Variants in TGM1 observed in about 807,000 individuals in gnomAD.
The protein encoded by TGM1 is protein-glutamine gamma-glutamyltransferase K.
A neutral mutation model predicts 88.7 loss-of-function variants in TGM1; 63 were observed. That is an observed-to-expected ratio of 0.71 (90% CI 0.58 to 0.88). The LOEUF (loss-of-function observed/expected upper bound fraction) is 0.88, where lower values mean the gene tolerates loss of function less well. Ranked by LOEUF, TGM1 falls within the 40% of genes least tolerant of loss-of-function variation. TGM1 has a pLI of 0.00. For missense variants in TGM1, 996 were observed against 1,118.0 expected (o/e 0.89, Z 1.56); for synonymous variants, 415 against 431.1 (o/e 0.96, Z 0.46).
In TGM1 at chr14:24,255,122, C is replaced by T; in HGVS notation, c.1777G>A (p.Asp593Asn). 1 of 1,614,150 alleles carries T rather than the reference C, an allele frequency of 6.2e-7. No homozygotes were observed. The highest frequency in any genetic ancestry group is 1.3e-5 in the African/African-American group (1 of 75,048). Residue 593 changes from aspartate (D) to asparagine (N), a missense_variant, in exon 12 of 15, where the codon GAT (aspartate) becomes AAT (asparagine). Coordinates refer to ENST00000206765, the MANE Select transcript of TGM1 (RefSeq NM_000359.3). The surrounding 1 kb of genome is among the most constrained non-coding windows in gnomAD (Gnocchi z 4.0). The part of the protein sequence containing the change: ...VEAQDAVMGQ[D>N]LMVSVMLINH... ...ATCAGCATCACAGAGACCATCAGATCCTGCCCCATCACCGCGTCCTGTGCC... is the reference window on the plus strand; with the variant it reads ...ATCAGCATCACAGAGACCATCAGATTCTGCCCCATCACCGCGTCCTGTGCC...
chr14:24,262,102 C>A lies in TGM1; in HGVS notation c.251G>T (p.Gly84Val), dbSNP rs748234923. The A allele has an allele frequency of 6.2e-7, 1 of 1,613,570 alleles. No individual in the cohort carries two copies. The highest frequency in any genetic ancestry group is 8.5e-7 in the Non-Finnish European group (1 of 1,180,040). ...SSGTRRPGSR[G>V]SDSRRPVSRG... ...GGATACAGGCCGGCGGGAGTCTGAG[C>A]CCCGGGAGCCAGGTCTTCGAGTGCC... The change falls in exon 2 of 15, where the codon GGC (glycine) becomes GTC (valine). Residue 84 changes from glycine (G) to valine (V), a missense_variant. Physicochemically the swap from Gly to Val is moderately radical, Grantham distance 109. Transcript: ENST00000206765.
rs1555306116 is a variant in TGM1 at position 24,258,670 on chromosome 14, A to G, written c.1163T>C (p.Leu388Pro). Residue 388 changes from leucine (L) to proline (P), a missense_variant, in exon 8 of 15, where the codon CTG (leucine) becomes CCG (proline). Physicochemically the swap from Leu to Pro is moderately conservative, Grantham distance 98 (BLOSUM62 -3). Transcript: ENST00000206765. ...ACGGGTGGCCAGACCCAGGCAGCGC[A>G]GCACTGTGGAGGAGCGAAGGTTGGG... is the stretch of plus-strand genomic sequence containing the variant. ...WVFAGVTTTV[L>P]RCLGLATRTV... The G allele has an allele frequency of 6.2e-7, 1 of 1,614,120 alleles. No homozygotes were observed. The highest frequency in any genetic ancestry group is 8.5e-7 in the Non-Finnish European group (1 of 1,179,942).
intron 9 of TGM1, 88 bp downstream of exon 9, chr14:24,258,197 G>A: frequency 8.6e-7 from 1 of 1,169,280 alleles, no homozygotes; most frequent in Non-Finnish European, 1.3e-6. Flanking sequence ...TGGCTCTCCG[G>A]CCCGGCCCAG....
In TGM1 at chr14:24,249,450, G is replaced by C; in HGVS notation, c.2317C>G (p.Pro773Ala). The C allele has an allele frequency of 6.2e-7, 1 of 1,614,082 alleles. No homozygotes were observed. The highest frequency in any genetic ancestry group is 1.1e-5 in the South Asian group (1 of 91,080). Residue 773 changes from proline (P) to alanine (A), a missense_variant, in exon 15 of 15, where the codon CCA (proline) becomes GCA (alanine). Transcript: ENST00000206765. ...PRQLIASLDS[P>A]QLSQVHGVIQ... ...ACACCGTGCACCTGGGAGAGCTGTG[G>C]GCTGTCCAAGCTGGCAATGAGCTGG...
In TGM1 at chr14:24,255,841, C is replaced by G; in HGVS notation, c.1491+148G>C. ...ATCCCGAGTATAGGAAGCAAGGCAG[C>G]CTTGATTATCCCCTTTTACAGGTGA... On this transcript the variant is annotated intron_variant, in intron 10 of 14. Transcript: ENST00000206765. The surrounding 1 kb of genome is among the most constrained non-coding windows in gnomAD (Gnocchi z 4.0). The G allele has an allele frequency of 1.3e-6, 1 of 771,510 alleles. No individual in the cohort carries two copies. The highest frequency in any genetic ancestry group is 2.3e-6 in the Non-Finnish European group (1 of 443,318). 47.8% of individuals were successfully genotyped at this position (771,510 alleles called of 1,614,324 possible).
intron 9 of TGM1, among the ~76,000 whole-genome samples, chr14:24,257,502 G>A (rs982530243): frequency 1.3e-5 from 2 of 152,218 alleles, no homozygotes; most frequent in Non-Finnish European, 2.9e-5. Context: ...TCTGAGCCCT[G>A]ATTTTTTTCT....
chr14:24,254,936 C>A, intron 12 of TGM1, 36 bp downstream of exon 12: 1 of 1,613,274 alleles, frequency 6.2e-7, no homozygotes, highest in Non-Finnish European at 8.5e-7. Flanking sequence ...AGGTGCCCAG[C>A]CATCCAGGGG....
chr14:24,260,416 C>T (rs2040798392), intron 4 of TGM1, 34 bp downstream of exon 4: 1 of 1,613,686 alleles, frequency 6.2e-7, no homozygotes, highest in Non-Finnish European at 8.5e-7. Flanking sequence ...CTTTCCCTCC[C>T]ATCTACCCTC....
Position 24,260,434 on chromosome 14 carries a change from G to C in TGM1, c.757+16C>G, listed in dbSNP as rs747366990. ...TCCCTCCCATCTACCCTCTGCTCCA[G>C]ACCCCAGCTGCTCACCTGGGCACCA... On this transcript the variant is annotated intron_variant, in intron 4 of 14. Coordinates refer to ENST00000206765, the MANE Select transcript of TGM1 (RefSeq NM_000359.3). The C allele has an allele frequency of 6.2e-7, 1 of 1,614,052 alleles. No individual in the cohort carries two copies. The highest frequency in any genetic ancestry group is 1.1e-5 in the South Asian group (1 of 91,054).
intron 3 of TGM1, 38 bp downstream of exon 3, chr14:24,261,657 A>G (rs1478936515): frequency 3.7e-6 from 6 of 1,613,304 alleles, no homozygotes; most frequent in Non-Finnish European, 2.5e-6. Context: ...CCCACCAAAC[A>G]TAGGGCCTTC....
chr14:24,259,629 G>A lies in TGM1; in HGVS notation c.984+75C>T. 1 of 1,263,020 alleles carries A rather than the reference G, an allele frequency of 7.9e-7. No homozygotes were observed. The highest frequency in any genetic ancestry group is 1.1e-6 in the Non-Finnish European group (1 of 884,698). 78.2% of individuals were successfully genotyped at this position (1,263,020 alleles called of 1,614,324 possible). A position where few individuals can be genotyped will look rare whatever the true frequency, so the allele number is the denominator to read the frequency against. On this transcript the variant is annotated intron_variant, in intron 6 of 14. Coordinates refer to ENST00000206765, the MANE Select transcript of TGM1 (RefSeq NM_000359.3). The surrounding 1 kb of genome is among the most constrained non-coding windows in gnomAD (Gnocchi z 5.7). ...GGGGGTTCTTGAGGAATCCAGAAAG[G>A]GCAGGAGGAGGGTGGGGGTGTGGCG...
intron 3 of TGM1, among the ~76,000 whole-genome samples, chr14:24,261,445 G>C (rs1243547819): frequency 1.3e-5 from 2 of 152,188 alleles, no homozygotes; most frequent in Non-Finnish European, 2.9e-5. Context: ...CACCGAGGCA[G>C]GCCCTGAAGA....
intron 1 of TGM1, among the ~76,000 whole-genome samples, chr14:24,262,669 C>T (rs1387314835): frequency 6.6e-6 from 1 of 152,216 alleles, no homozygotes; most frequent in African/African-American, 2.4e-5. Context: ...GACACTTGTC[C>T]CAGCCTCAAG....
At chr14:24,257,541 A>C (rs549699058) in intron 9 of TGM1, among the ~76,000 whole-genome samples, 43 of 152,340 alleles carry the variant, frequency 2.8e-4, no homozygotes, top group African/African-American at 9.9e-4. Context: ...ACAGTGAGCA[A>C]TGGAACAGAC....
At chr14:24,254,853 G>C in intron 12 of TGM1, 29 bp from the exon 13 acceptor site, 1 of 1,613,372 alleles carries the variant, frequency 6.2e-7, no homozygotes, top group Non-Finnish European at 8.5e-7. Flanking sequence ...GCGTCACTGA[G>C]GCCTGCTTCC....
At position 24,259,294 on chromosome 14, in the gene TGM1, C is replaced by T. The variant is rs1207772637; in HGVS notation, c.985-45G>A. On this transcript the variant is annotated intron_variant, in intron 6 of 14. Coordinates refer to ENST00000206765, the MANE Select transcript of TGM1 (RefSeq NM_000359.3). This position sits in a 1 kb window ranked among gnomAD's most constrained non-coding sequence, Gnocchi z 5.7. Reference sequence around the variant, plus strand: ...ATAGGGCGGAGGTGGAGGAGGGGCTCAGGACCTGCCATGTGGTCCATGGGG... The same window carrying T: ...ATAGGGCGGAGGTGGAGGAGGGGCTTAGGACCTGCCATGTGGTCCATGGGG... 1 of 1,565,362 alleles carries T rather than the reference C, an allele frequency of 6.4e-7. No individual in the cohort carries two copies.
In TGM1 at chr14:24,260,657, G is replaced by A. The variant is rs200517023; in HGVS notation, c.550C>T (p.Pro184Ser). 606 of 1,614,088 alleles carry A rather than the reference G, an allele frequency of 3.8e-4. 4 individuals carry two copies. The South Asian group carries it at 5.2e-3, about 14-fold the overall frequency. ...EVGKGTHVII[P>S]VGKGGSGGWK... ...CCTCCACTGCCCCCCTTGCCCACTG[G>A]GATGATCACGTGCGTGCCCTTGCCC... The change falls in exon 4 of 15, where the codon CCA becomes TCA. Residue 184 changes from proline to serine, a missense_variant. Transcript: ENST00000206765.
At chr14:24,260,253 C>T in intron 4 of TGM1, 195 bp from the exon 5 acceptor site, 2 of 1,011,542 alleles carry the variant, frequency 2.0e-6, no homozygotes, top group Non-Finnish European at 3.0e-6. Flanking sequence ...GGGGCCTTTG[C>T]CAGGAGAGGT....
Position 24,260,013 on chromosome 14 carries a change from A to T in TGM1, c.803T>A (p.Val268Asp), listed in dbSNP as rs1436720253. ...VDHEDWRQEYVLNESGRIYYG... is the reference protein window; with the variant it reads ...VDHEDWRQEYDLNESGRIYYG... Reference sequence around the variant, plus strand: ...GTAAATTCTCCCAGACTCATTAAGAACATACTCCTGCCGCCAATCCTCATG... The same window carrying T: ...GTAAATTCTCCCAGACTCATTAAGATCATACTCCTGCCGCCAATCCTCATG... The change falls in exon 5 of 15, where the codon GTT becomes GAT. Residue 268 changes from valine (V) to aspartate (D), a missense_variant. Transcript: ENST00000206765. The T allele has an allele frequency of 1.9e-6, 3 of 1,614,178 alleles. No individual in the cohort carries two copies.
Sources: allele counts gnomAD v4.1 joint callset (sites outside exome capture counted in the v4.1 genomes callset), GRCh38; gene constraint gnomAD v4.1.1; non-coding constraint Gnocchi (gnomAD v3.1); transcripts MANE v1.5; gene names NCBI Gene and HGNC (gene_info 2026-07-23, HGNC 2026-07-21).